The following ROBO2 variants were observed in gnomAD, a reference collection of about 807,000 sequenced individuals.
ROBO2 encodes the protein roundabout homolog 2.
Under a neutral mutation model 160.8 loss-of-function variants are expected in ROBO2, and 53 were observed. The observed-to-expected ratio is 0.33, with a 90% CI of 0.26 to 0.41. The LOEUF (loss-of-function observed/expected upper bound fraction) is 0.41. Among genes scored for constraint, ROBO2 ranks in the 10% least tolerant of loss-of-function variants. The pLI, the probability that ROBO2 is intolerant of heterozygous loss-of-function variation, is 1.00. For synonymous variants in ROBO2, 664 were observed against 611.7 expected (o/e 1.09, Z -1.26); for missense variants, 1,577 against 1,722.4 (o/e 0.92, Z 1.49).
intron 2 of ROBO2, among the ~76,000 whole-genome samples, chr3:76,721,719 A>G (rs951832146): frequency 6.6e-6 from 1 of 152,224 alleles, no homozygotes. Context: ...TGCTGTTTCT[A>G]CCACACTATT....
intron 2 of ROBO2, among the ~76,000 whole-genome samples, chr3:77,446,916 C>G (rs2080589155): frequency 6.6e-6 from 1 of 152,006 alleles, no homozygotes; most frequent in Non-Finnish European, 1.5e-5. Context: ...TCTGTTTGAG[C>G]AGAATGAATC....
At chr3:77,515,798 G>A (rs763817307) in intron 5 of ROBO2, among the ~76,000 whole-genome samples, 35 of 151,598 alleles carry the variant, frequency 2.3e-4, no homozygotes, top group Non-Finnish European at 4.6e-4. Flanking sequence ...ATTCCAATAC[G>A]GTCTAAACCT....
chr3:77,218,572 C>T (rs879635830), intron 2 of ROBO2, among the ~76,000 whole-genome samples: 7 of 152,072 alleles, frequency 4.6e-5, no homozygotes, highest in Non-Finnish European at 8.8e-5. Flanking sequence ...TGGGGTTTTA[C>T]CATCTTGGCC....
chr3:77,291,096 A>C (rs1478503202), intron 2 of ROBO2, among the ~76,000 whole-genome samples: 1 of 151,830 alleles, frequency 6.6e-6, no homozygotes, highest in Non-Finnish European at 1.5e-5. Context: ...ATTGACGGGT[A>C]AACGGGTAAG....
intron 2 of ROBO2, among the ~76,000 whole-genome samples, chr3:76,124,036 G>A (rs938408854): frequency 1.3e-5 from 2 of 151,954 alleles, no homozygotes; most frequent in African/African-American, 4.8e-5. Context: ...ACTTCTTAAC[G>A]AGGTTTATCT....
chr3:76,250,448 A>G (rs1228065193), intron 2 of ROBO2, among the ~76,000 whole-genome samples: 2 of 152,042 alleles, frequency 1.3e-5, no homozygotes, highest in African/African-American at 4.8e-5. Context: ...AAAATTTCAA[A>G]TCTATCATAT....
chr3:77,386,089 C>G (rs1454889916), intron 2 of ROBO2, among the ~76,000 whole-genome samples: 2 of 152,134 alleles, frequency 1.3e-5, no homozygotes, highest in African/African-American at 2.4e-5. Flanking sequence ...ATATGCTTAA[C>G]AGTACATCCA....
intron 2 of ROBO2, among the ~76,000 whole-genome samples, chr3:77,284,066 A>G (rs1200845106): frequency 6.6e-6 from 1 of 152,174 alleles, no homozygotes; most frequent in African/African-American, 2.4e-5. Context: ...TCAGAAAACA[A>G]CAACAGCTAG....
chr3:76,320,309 ATAT>A (rs1418187144), intron 2 of ROBO2, among the ~76,000 whole-genome samples: 1 of 152,220 alleles, frequency 6.6e-6, no homozygotes, highest in East Asian at 1.9e-4. Flanking sequence ...TATTTTCCTG[ATAT>A]TATTATTCAG....
intron 2 of ROBO2, among the ~76,000 whole-genome samples, chr3:76,236,328 G>A (rs772020407): frequency 2.0e-5 from 3 of 151,988 alleles, no homozygotes; most frequent in Non-Finnish European, 2.9e-5. Flanking sequence ...TTATGTCAAT[G>A]TTTATCTTGG....
intron 2 of ROBO2, among the ~76,000 whole-genome samples, chr3:76,159,233 G>A (rs542601700): frequency 1.3e-5 from 2 of 152,272 alleles, no homozygotes; most frequent in South Asian, 4.2e-4. Context: ...TGGGAGTGCT[G>A]TATTTTTATA....
chr3:76,009,481 C>A (rs1361721599), intron 2 of ROBO2, among the ~76,000 whole-genome samples: 1 of 152,150 alleles, frequency 6.6e-6, no homozygotes, highest in African/African-American at 2.4e-5. Flanking sequence ...CTGTGATTTT[C>A]TCAAATGCCA....
At chr3:77,425,925 A>G (rs62249803) in intron 2 of ROBO2, among the ~76,000 whole-genome samples, 11,956 of 152,064 alleles carry the variant, frequency 0.079, 552 homozygotes, top group African/African-American at 0.11. Context: ...AGCCTCCCAA[A>G]GTGCTGGGAT....
At chr3:77,604,225 G>A (rs1284087273) in intron 20 of ROBO2, among the ~76,000 whole-genome samples, 1 of 152,022 alleles carries the variant, frequency 6.6e-6, no homozygotes, top group Non-Finnish European at 1.5e-5. Context: ...TAATAATATA[G>A]GAGAACTTTT....
At chr3:76,242,334 A>G (rs1302010498) in intron 2 of ROBO2, among the ~76,000 whole-genome samples, 8 of 152,096 alleles carry the variant, frequency 5.3e-5, no homozygotes, top group African/African-American at 1.9e-4. Context: ...CCTTCACCCT[A>G]TGGAGCGGGG....
intron 6 of ROBO2, among the ~76,000 whole-genome samples, chr3:77,532,985 T>C (rs1256559339): frequency 6.6e-6 from 1 of 152,200 alleles, no homozygotes; most frequent in African/African-American, 2.4e-5. Flanking sequence ...TTGGTTAATA[T>C]ACAGGTTTTT....
chr3:77,617,280 A>G (rs1193618429), intron 21 of ROBO2, among the ~76,000 whole-genome samples: 1 of 152,184 alleles, frequency 6.6e-6, no homozygotes, highest in Non-Finnish European at 1.5e-5. Context: ...ACAATTAGCT[A>G]AAAAGGTCTT....
chr3:76,070,924 TA>T (rs2068434607), intron 2 of ROBO2, among the ~76,000 whole-genome samples: 1 of 152,166 alleles, frequency 6.6e-6, no homozygotes, highest in Non-Finnish European at 1.5e-5. Flanking sequence ...AAAACAAGTG[TA>T]AAAAGAAACC....
At chr3:76,863,685 GA>G (rs930710480) in intron 2 of ROBO2, among the ~76,000 whole-genome samples, 3 of 151,976 alleles carry the variant, frequency 2.0e-5, no homozygotes, top group African/African-American at 4.8e-5. Flanking sequence ...TATGCCAAAG[GA>G]GTAGGTTCTT....
Sources: allele counts gnomAD v4.1 joint callset (sites outside exome capture counted in the v4.1 genomes callset), GRCh38; gene constraint gnomAD v4.1.1; transcripts MANE v1.5; gene names NCBI Gene and HGNC (gene_info 2026-07-23, HGNC 2026-07-21).